The following TRHDE variants were observed in gnomAD, a reference collection of about 807,000 sequenced individuals.
TRHDE encodes the protein thyrotropin-releasing hormone-degrading ectoenzyme.
In TRHDE, 72 loss-of-function variants were observed where a neutral mutation model predicts 125.7. The ratio of observed to expected loss-of-function variants is 0.57; its 90% confidence interval spans 0.47 to 0.70. The LOEUF is 0.70. TRHDE is among the 30% of genes least tolerant of loss of function. The probability of loss-of-function intolerance (pLI) is 0.00; values close to 1 mark genes in which losing one functional copy is unlikely to be tolerated. For synonymous variants in TRHDE, 509 were observed against 509.1 expected (o/e 1.00, Z 0.00); for missense variants, 1,110 against 1,327.1 (o/e 0.84, Z 2.54).
intron 5 of TRHDE, among the ~76,000 whole-genome samples, chr12:72,494,721 T>A (rs1016897436): frequency 7.2e-5 from 11 of 152,070 alleles, no homozygotes; most frequent in Non-Finnish European, 1.6e-4. Flanking sequence ...ATTTCTCAGG[T>A]GTGCCTAATG....
At chr12:72,467,224 C>T (rs1473535726) in intron 3 of TRHDE, among the ~76,000 whole-genome samples, 1 of 150,808 alleles carries the variant, frequency 6.6e-6, no homozygotes, top group Non-Finnish European at 1.5e-5. Context: ...CTAATGCTAT[C>T]CCTCCCCACT....
chr12:72,207,235 G>A (rs1038810988), intron 2 of TRHDE, among the ~76,000 whole-genome samples: 2 of 152,154 alleles, frequency 1.3e-5, no homozygotes, highest in African/African-American at 4.8e-5. Context: ...GGACAGCAGG[G>A]CTATTACATA....
intron 3 of TRHDE, among the ~76,000 whole-genome samples, chr12:72,411,182 G>C (rs1207013537): frequency 1.5e-5 from 2 of 135,744 alleles, no homozygotes; most frequent in African/African-American, 5.6e-5. Flanking sequence ...CAGCCTAGGC[G>C]ACAGAGCGAG....
chr12:72,397,139 G>A (rs994227394), intron 3 of TRHDE, among the ~76,000 whole-genome samples: 11 of 152,166 alleles, frequency 7.2e-5, no homozygotes, highest in Non-Finnish European at 1.3e-4. Flanking sequence ...TTCGTAAACG[G>A]CAAACCCATG....
chr12:72,343,439 A>AAC (rs1307863463), intron 2 of TRHDE, among the ~76,000 whole-genome samples: 1 of 152,264 alleles, frequency 6.6e-6, no homozygotes, highest in East Asian at 1.9e-4. Flanking sequence ...GTATAGTTCA[A>AAC]ACACCTGTTC....
At chr12:72,342,321 C>A (rs1386231149) in intron 2 of TRHDE, among the ~76,000 whole-genome samples, 1 of 151,990 alleles carries the variant, frequency 6.6e-6, no homozygotes, top group African/African-American at 2.4e-5. Flanking sequence ...TGTTTTAGTT[C>A]TCGTCTAATC....
At chr12:72,274,610 C>T (rs1349507895) in intron 1 of TRHDE, 1 of 152,242 alleles carries the variant, frequency 6.6e-6, no homozygotes, top group Admixed American at 6.5e-5. Context: ...TCAGCATTCC[C>T]TATTTTACAG....
chr12:72,653,095 C>G lies in TRHDE; in HGVS notation c.2923C>G (p.Pro975Ala), dbSNP rs201804594. The change falls in exon 17 of 19, where the codon CCA becomes GCA. Residue 975 changes from proline to alanine, a missense_variant. Transcript: ENST00000261180. ...IDVIIHVARN[P>A]HGRDLAWKFF... The stretch of plus-strand genomic sequence containing the variant: ...TGTCATAATCCATGTAGCTCGAAAT[C>G]CACATGGTCGAGACCTTGCCTGGAA... The G allele has an allele frequency of 6.2e-7, 1 of 1,609,446 alleles. No homozygotes were observed. The highest frequency in any genetic ancestry group is 2.2e-5 in the East Asian group (1 of 44,582).
chr12:72,214,475 T>C (rs1485173912), intron 2 of TRHDE, among the ~76,000 whole-genome samples: 1 of 152,216 alleles, frequency 6.6e-6, no homozygotes, highest in Non-Finnish European at 1.5e-5. Context: ...ATTGCTTTTT[T>C]CTGAGGTCAT....
chr12:72,168,465 T>G (rs976780636), intron 2 of TRHDE, among the ~76,000 whole-genome samples: 4 of 152,210 alleles, frequency 2.6e-5, no homozygotes, highest in African/African-American at 9.6e-5. Context: ...TAAAGCTTTC[T>G]CATTTAGAAT....
intron 2 of TRHDE, among the ~76,000 whole-genome samples, chr12:72,294,701 C>T (rs553813184): frequency 7.2e-5 from 11 of 152,222 alleles, no homozygotes; most frequent in East Asian, 3.9e-4. Flanking sequence ...ACTGGGGACC[C>T]GCCCCCTTCC....
At chr12:72,428,914 C>T (rs1874303767) in intron 3 of TRHDE, among the ~76,000 whole-genome samples, 1 of 151,968 alleles carries the variant, frequency 6.6e-6, no homozygotes, top group Non-Finnish European at 1.5e-5. Flanking sequence ...CATTCATGTG[C>T]CACATGAATC....
chr12:72,423,606 A>G (rs1874053733), intron 3 of TRHDE, among the ~76,000 whole-genome samples: 5 of 152,178 alleles, frequency 3.3e-5, no homozygotes, highest in African/African-American at 1.2e-4. Flanking sequence ...GTGTTCTTCT[A>G]ATGACATCCT....
intron 3 of TRHDE, among the ~76,000 whole-genome samples, chr12:72,411,202 CAAA>C (rs561779856): frequency 3.2e-4 from 19 of 59,620 alleles, no homozygotes; most frequent in African/African-American, 8.9e-4. Flanking sequence ...GACTCCATTT[CAAA>C]AAAAAAAAAA....
intron 2 of TRHDE, among the ~76,000 whole-genome samples, chr12:72,157,536 A>G (rs558239059): frequency 6.6e-6 from 1 of 152,202 alleles, no homozygotes; most frequent in African/African-American, 2.4e-5. Flanking sequence ...TAAAAGGAAG[A>G]GCTAATAGGA....
intron 3 of TRHDE, among the ~76,000 whole-genome samples, chr12:72,439,290 T>C (rs1874889586): frequency 6.6e-6 from 1 of 151,988 alleles, no homozygotes; most frequent in Non-Finnish European, 1.5e-5. Flanking sequence ...CAGGGTCTTT[T>C]TGGTTCTATA....
chr12:72,154,553 A>T (rs1464368824), intron 2 of TRHDE, among the ~76,000 whole-genome samples: 2 of 152,194 alleles, frequency 1.3e-5, no homozygotes, highest in African/African-American at 2.4e-5. Context: ...TTCCATGTTT[A>T]GTGCTTCCTT....
Position 72,391,858 on chromosome 12 carries a change from A to G in TRHDE, c.1315+13737A>G, listed in dbSNP as rs10400536. ...TAATTTCTTATACCTATTGCTATGGATTGAATTGTGTCTCCCCAAATTTTA... is the reference window on the plus strand; with the variant it reads ...TAATTTCTTATACCTATTGCTATGGGTTGAATTGTGTCTCCCCAAATTTTA... On this transcript the variant is annotated intron_variant, in intron 3 of 18. Coordinates refer to ENST00000261180, the MANE Select transcript of TRHDE (RefSeq NM_013381.3). 6.1e-3 allele frequency among the ~76,000 whole-genome samples: 923 copies of G among 152,258 alleles called. 10 individuals are homozygous for G. The highest frequency in any genetic ancestry group is 0.021 in the African/African-American group (852 of 41,554).
chr12:72,478,775 T>C (rs1442995962), intron 5 of TRHDE, among the ~76,000 whole-genome samples: 1 of 152,068 alleles, frequency 6.6e-6, no homozygotes, highest in Non-Finnish European at 1.5e-5. Context: ...GGAATCCTAA[T>C]GTGCATATGC....
Sources: allele counts gnomAD v4.1 joint callset (sites outside exome capture counted in the v4.1 genomes callset), GRCh38; gene constraint gnomAD v4.1.1; transcripts MANE v1.5; gene names NCBI Gene and HGNC (gene_info 2026-07-23, HGNC 2026-07-21).